The following DSCAML1 variants were observed in gnomAD, a reference collection of about 807,000 sequenced individuals.
The protein encoded by DSCAML1 is DS cell adhesion molecule like 1, also known as cell adhesion molecule DSCAML1.
In DSCAML1, 38 loss-of-function variants were observed where a neutral mutation model predicts 200.5. That is an observed-to-expected ratio of 0.19 (90% confidence interval 0.15 to 0.25). The LOEUF (loss-of-function observed/expected upper bound fraction) is 0.25. Ranked by LOEUF, DSCAML1 falls within the 10% of genes least tolerant of loss-of-function variation. The pLI is 1.00. For missense variants in DSCAML1, 2,223 were observed against 2,858.8 expected, an observed-to-expected ratio of 0.78 and a Z score of 5.07; for synonymous variants, 1,215 against 1,165.0, an observed-to-expected ratio of 1.04 and a Z score of -0.87.
At chr11:117,634,600 T>G (rs1028261177) in intron 3 of DSCAML1, among the ~76,000 whole-genome samples, 17 of 152,158 alleles carry the variant, frequency 1.1e-4, no homozygotes, top group Admixed American at 1.1e-3. Context: ...GAATTTGCAT[T>G]AGTGATTTTG....
intron 3 of DSCAML1, among the ~76,000 whole-genome samples, chr11:117,566,497 C>A (rs2050759027): frequency 6.6e-6 from 1 of 151,828 alleles, no homozygotes; most frequent in Non-Finnish European, 1.5e-5. Context: ...ACAGGTGACA[C>A]CCACCATGCC....
At chr11:117,633,999 A>G (rs939920935) in intron 3 of DSCAML1, among the ~76,000 whole-genome samples, 15 of 152,212 alleles carry the variant, frequency 9.9e-5, no homozygotes, top group Admixed American at 9.2e-4. Context: ...TTAATAACCT[A>G]TCACATGCCC....
In DSCAML1 at chr11:117,465,328, A is replaced by G. The variant is rs2048558614; in HGVS notation, c.3025-146T>C. ...TCAGAATGAAAGCCAAAGTCCTTACAATGGCTACTCTACCCTGTGTGACCC... is the reference window on the plus strand; with the variant it reads ...TCAGAATGAAAGCCAAAGTCCTTACGATGGCTACTCTACCCTGTGTGACCC... On this transcript the variant is annotated intron_variant, in intron 16 of 32. Coordinates refer to ENST00000651296, the MANE Select transcript of DSCAML1 (RefSeq NM_020693.4). 18 of 1,142,942 alleles carry G rather than the reference A, an allele frequency of 1.6e-5. 1 individual carries two copies. In the South Asian group the frequency reaches 2.7e-4, roughly 17 times the overall value. The allele number at this position is 1,142,942 out of a possible 1,614,324, so 70.8% of individuals were successfully genotyped here. A position where few individuals can be genotyped will look rare whatever the true frequency, so the allele number is the denominator to read the frequency against.
intron 3 of DSCAML1, among the ~76,000 whole-genome samples, chr11:117,638,315 A>AGTGTGTGTGTGTGT (rs59327038): frequency 2.7e-4 from 37 of 135,216 alleles, no homozygotes; most frequent in South Asian, 2.0e-3. Context: ...CAAGATAGCA[A>AGTGTGTGTGTGTGT]GTGTGTGTGT....
intron 3 of DSCAML1, among the ~76,000 whole-genome samples, chr11:117,564,859 G>A (rs1374448459): frequency 1.3e-5 from 2 of 151,924 alleles, no homozygotes; most frequent in Non-Finnish European, 2.9e-5. Flanking sequence ...TCCACCTCCT[G>A]GGTTCAAGCG....
intron 3 of DSCAML1, among the ~76,000 whole-genome samples, chr11:117,573,185 C>A (rs1291657912): frequency 1.3e-5 from 2 of 152,200 alleles, no homozygotes; most frequent in Middle Eastern, 3.2e-3. Context: ...ACACTCCAAC[C>A]CCGATCTGCT....
intron 3 of DSCAML1, among the ~76,000 whole-genome samples, chr11:117,590,555 C>T (rs559040627): frequency 4.6e-5 from 7 of 152,312 alleles, no homozygotes; most frequent in African/African-American, 7.2e-5. Context: ...TCCTCCCACA[C>T]CGTCCTTCCA....
intron 3 of DSCAML1, among the ~76,000 whole-genome samples, chr11:117,714,826 G>GA (rs1555201520): frequency 1.5e-4 from 17 of 115,552 alleles, no homozygotes; most frequent in African/African-American, 5.1e-4. Context: ...TCATCTTGAG[G>GA]AAAAAAAAAA....
chr11:117,675,924 T>C (rs1177587159), intron 3 of DSCAML1, among the ~76,000 whole-genome samples: 1 of 152,148 alleles, frequency 6.6e-6, no homozygotes. Context: ...TCTCTCTCCA[T>C]ACTGAGTGGT....
chr11:117,726,258 TGTGTGTGC>T (rs1168952015), intron 3 of DSCAML1, among the ~76,000 whole-genome samples: 6 of 142,822 alleles, frequency 4.2e-5, no homozygotes, highest in Non-Finnish European at 8.9e-5. Flanking sequence ...TCTCTGTGTG[TGTGTGTGC>T]GTGTGTGTGT....
chr11:117,758,588 G>A (rs955554785), intron 3 of DSCAML1, among the ~76,000 whole-genome samples: 1 of 151,966 alleles, frequency 6.6e-6, no homozygotes, highest in Non-Finnish European at 1.5e-5. Flanking sequence ...ATTTTTAGTA[G>A]AGATGGGGTT....
chr11:117,555,381 C>T (rs1163090848), intron 3 of DSCAML1, among the ~76,000 whole-genome samples: 1 of 152,162 alleles, frequency 6.6e-6, no homozygotes, highest in Admixed American at 6.5e-5. Context: ...GGCTCAGGAT[C>T]TGCGGAGGTG....
chr11:117,578,236 G>GAAAAAAAAAA (rs59533726), intron 3 of DSCAML1, among the ~76,000 whole-genome samples: 8 of 101,406 alleles, frequency 7.9e-5, no homozygotes, highest in Admixed American at 1.0e-4. Flanking sequence ...ACTCTGTCTC[G>GAAAAAAAAAA]AAAAAAAAAA....
At chr11:117,583,466 C>A (rs2051081419) in intron 3 of DSCAML1, among the ~76,000 whole-genome samples, 1 of 152,224 alleles carries the variant, frequency 6.6e-6, no homozygotes, top group Admixed American at 6.5e-5. Flanking sequence ...AATCTGAACG[C>A]CTGCCAGCCT....
Position 117,620,730 on chromosome 11 carries a change from T to C in DSCAML1, c.512-88208A>G, listed in dbSNP as rs529905045. Among the ~76,000 whole-genome samples the C allele has an allele frequency of 5.3e-5, 8 of 152,174 alleles. No homozygotes were observed. In the South Asian group the frequency reaches 1.7e-3, roughly 32 times the overall value. ...TGGAGATCAAACACAGGATGAAGAGTCTGTGTGAAATACTAGAAAGAGTGG... is the reference window on the plus strand; with the variant it reads ...TGGAGATCAAACACAGGATGAAGAGCCTGTGTGAAATACTAGAAAGAGTGG... On this transcript the variant is annotated intron_variant, in intron 3 of 32. Coordinates refer to ENST00000651296, the MANE Select transcript of DSCAML1 (RefSeq NM_020693.4).
chr11:117,727,145 G>C (rs2054146334), intron 3 of DSCAML1, among the ~76,000 whole-genome samples: 1 of 152,176 alleles, frequency 6.6e-6, no homozygotes, highest in Non-Finnish European at 1.5e-5. Flanking sequence ...GAGGTAGGGA[G>C]AGGTTAAATA....
chr11:117,810,440 C>T (rs541796022), intron 1 of DSCAML1, among the ~76,000 whole-genome samples: 37 of 151,702 alleles, frequency 2.4e-4, no homozygotes, highest in Admixed American at 3.3e-4. Flanking sequence ...CTCTGTGCCC[C>T]AATCCCTTAT....
At chr11:117,432,068 G>C (rs896726250) in intron 30 of DSCAML1, among the ~76,000 whole-genome samples, 1 of 152,124 alleles carries the variant, frequency 6.6e-6, no homozygotes, top group African/African-American at 2.4e-5. Context: ...CAGATACACG[G>C]TGCTAGAGAT....
chr11:117,468,233 T>C (rs2048622005), intron 16 of DSCAML1, among the ~76,000 whole-genome samples: 1 of 152,140 alleles, frequency 6.6e-6, no homozygotes, highest in Non-Finnish European at 1.5e-5. Flanking sequence ...ATCCATCTCG[T>C]GGAAAGGGTC....
Sources: allele counts gnomAD v4.1 joint callset (sites outside exome capture counted in the v4.1 genomes callset), GRCh38; gene constraint gnomAD v4.1.1; transcripts MANE v1.5; gene names NCBI Gene and HGNC (gene_info 2026-07-23, HGNC 2026-07-21).